The following MBD5 variants were observed in gnomAD, a reference collection of about 807,000 sequenced individuals.
The protein encoded by MBD5 is methyl-CpG-binding domain protein 5.
In MBD5, 13 loss-of-function variants were observed where a neutral mutation model predicts 117.3. The observed-to-expected ratio is 0.11, with a 90% CI of 0.07 to 0.18. The LOEUF (loss-of-function observed/expected upper bound fraction) is 0.18. Among genes scored for constraint, MBD5 ranks in the 10% least tolerant of loss-of-function variants. MBD5 has a pLI of 1.00. For synonymous variants in MBD5, 727 were observed against 766.4 expected, an observed-to-expected ratio of 0.95 and a Z score of 0.85; for missense variants, 1,879 against 2,093.8, an observed-to-expected ratio of 0.90 and a Z score of 2.00.
chr2:148,498,936 A>G (rs1681788572), intron 11 of MBD5, among the ~76,000 whole-genome samples: 1 of 152,216 alleles, frequency 6.6e-6, no homozygotes, highest in African/African-American at 2.4e-5. Flanking sequence ...CAAACTATAA[A>G]ACTATTTATG....
intron 1 of MBD5, among the ~76,000 whole-genome samples, chr2:148,096,309 G>T (rs1376596801): frequency 6.6e-6 from 1 of 152,124 alleles, no homozygotes; most frequent in Non-Finnish European, 1.5e-5. Flanking sequence ...CTCCAGACCT[G>T]AGTGCTTGGG....
At position 148,093,458 on chromosome 2, in the gene MBD5, G is replaced by T. The variant is rs76918222; in HGVS notation, c.-925+71774G>T. The stretch of plus-strand genomic sequence containing the variant: ...TTGTGAATAATGTCTGATGAGGCAG[G>T]TTTTTGATTTTGTGTTTTGTTTGTT... On this transcript the variant is annotated intron_variant, in intron 1 of 13. Coordinates refer to ENST00000642680, the MANE Select transcript of MBD5 (RefSeq NM_001378120.1). Among the ~76,000 whole-genome samples the T allele has an allele frequency of 6.7e-3, 1,026 of 152,230 alleles. 4 individuals carry two copies. Among genetic ancestry groups the T allele is most frequent in the South Asian group, 0.027 (131 of 4,826 alleles).
chr2:148,474,639 T>G (rs959779522), intron 8 of MBD5, among the ~76,000 whole-genome samples: 3 of 152,156 alleles, frequency 2.0e-5, no homozygotes, highest in African/African-American at 7.2e-5. Flanking sequence ...TTCAAACATT[T>G]ATTTGCCTTA....
intron 1 of MBD5, among the ~76,000 whole-genome samples, chr2:148,116,101 C>T (rs544034305): frequency 7.2e-5 from 11 of 152,184 alleles, no homozygotes; most frequent in African/African-American, 2.6e-4. Flanking sequence ...GCCTCAACCT[C>T]CCAAATTGCT....
chr2:148,485,224 C>CT (rs1284589452), intron 9 of MBD5: 1 of 152,612 alleles, frequency 6.6e-6, no homozygotes, highest in African/African-American at 2.4e-5. Flanking sequence ...GGTGACCAAC[C>CT]TTCTACTGCA....
At chr2:148,425,423 C>T (rs1705746796) in intron 4 of MBD5, among the ~76,000 whole-genome samples, 1 of 152,168 alleles carries the variant, frequency 6.6e-6, no homozygotes, top group African/African-American at 2.4e-5. Flanking sequence ...AAGTCCAGGA[C>T]TAGACAGGTT....
intron 8 of MBD5, chr2:148,471,719 A>G (rs1680802098): frequency 6.6e-6 from 1 of 152,182 alleles, no homozygotes; most frequent in East Asian, 1.9e-4. Flanking sequence ...TGTTAAATAT[A>G]TATATGGTTT....
intron 4 of MBD5, among the ~76,000 whole-genome samples, chr2:148,358,659 A>G (rs1053234755): frequency 4.0e-5 from 6 of 148,892 alleles, no homozygotes; most frequent in African/African-American, 1.2e-4. Context: ...TGGTACACGC[A>G]TGTGGTCTCA....
At chr2:148,237,828 A>G (rs1382291531) in intron 3 of MBD5, among the ~76,000 whole-genome samples, 1 of 152,174 alleles carries the variant, frequency 6.6e-6, no homozygotes, top group Non-Finnish European at 1.5e-5. Context: ...ACTCAAATTC[A>G]CAGAACTGAT....
chr2:148,448,128 C>T (rs569153538), intron 4 of MBD5, among the ~76,000 whole-genome samples: 156 of 152,128 alleles, frequency 1.0e-3, no homozygotes, highest in Non-Finnish European at 1.5e-3. Context: ...TTTCATATGA[C>T]GCCATTAAAC....
intron 4 of MBD5, among the ~76,000 whole-genome samples, chr2:148,406,677 C>CT (rs1164931924): frequency 6.6e-6 from 1 of 152,220 alleles, no homozygotes; most frequent in Non-Finnish European, 1.5e-5. Flanking sequence ...GCCAGTCCCA[C>CT]TTTCCTCATT....
At chr2:148,411,134 GT>G (rs1705232594) in intron 4 of MBD5, among the ~76,000 whole-genome samples, 1 of 152,250 alleles carries the variant, frequency 6.6e-6, no homozygotes, top group East Asian at 1.9e-4. Flanking sequence ...TCCTGCATTA[GT>G]TTGCTTAAGA....
chr2:148,385,543 T>C (rs1344870938), intron 4 of MBD5, among the ~76,000 whole-genome samples: 8 of 152,128 alleles, frequency 5.3e-5, no homozygotes, highest in Non-Finnish European at 7.3e-5. Flanking sequence ...ATTGTGGAAG[T>C]TGGTGTGGCA....
intron 2 of MBD5, among the ~76,000 whole-genome samples, chr2:148,196,836 G>A (rs1558968029): frequency 6.6e-6 from 1 of 151,102 alleles, no homozygotes; most frequent in South Asian, 2.1e-4. Context: ...GGGAGTGGGG[G>A]TGCCATTTGC....
At chr2:148,084,060 A>G (rs1195315527) in intron 1 of MBD5, among the ~76,000 whole-genome samples, 1 of 152,206 alleles carries the variant, frequency 6.6e-6, no homozygotes, top group Non-Finnish European at 1.5e-5. Flanking sequence ...CTTGATGTAG[A>G]AATGCTTTAT....
At chr2:148,217,586 CTT>C (rs1219990720) in intron 2 of MBD5, among the ~76,000 whole-genome samples, 1 of 152,158 alleles carries the variant, frequency 6.6e-6, no homozygotes, top group African/African-American at 2.4e-5. Flanking sequence ...CATAAGATGT[CTT>C]TTCCTCCTTT....
intron 1 of MBD5, among the ~76,000 whole-genome samples, chr2:148,097,269 T>C (rs903564679): frequency 1.3e-5 from 2 of 152,238 alleles, no homozygotes; most frequent in Admixed American, 6.5e-5. Flanking sequence ...GTGGTGGCAC[T>C]ACTGCATTGT....
chr2:148,227,378 C>A (rs978791601), intron 2 of MBD5, among the ~76,000 whole-genome samples: 16 of 152,304 alleles, frequency 1.1e-4, no homozygotes, highest in South Asian at 2.1e-4. Context: ...GGAATCCTTT[C>A]CCCATTGCTT....
At chr2:148,167,249 T>C (rs958444685) in intron 1 of MBD5, among the ~76,000 whole-genome samples, 6 of 152,184 alleles carry the variant, frequency 3.9e-5, no homozygotes, top group Non-Finnish European at 8.8e-5. Context: ...AATTCAAATA[T>C]ATCTTCCCTC....
Sources: gnomAD v4.1 joint callset for allele counts (sites outside exome capture counted in the v4.1 genomes callset) on GRCh38, gnomAD v4.1.1 for gene constraint, MANE v1.5 for transcripts, NCBI Gene and HGNC (gene_info 2026-07-23, HGNC 2026-07-21) for gene names.